The following HCLS1 variants were observed in gnomAD, a reference collection of about 807,000 sequenced individuals.
HCLS1 encodes hematopoietic lineage cell-specific protein.
Under a neutral mutation model 68.6 loss-of-function variants are expected in HCLS1, and 44 were observed. The observed-to-expected ratio is 0.64, with a 90% confidence interval of 0.50 to 0.82. The LOEUF (loss-of-function observed/expected upper bound fraction) is 0.82. Ranked by LOEUF, HCLS1 falls within the 40% of genes least tolerant of loss-of-function variation. The pLI is 0.00. For synonymous variants in HCLS1, 217 were observed against 225.8 expected (o/e 0.96, Z 0.35); for missense variants, 602 against 612.1 (o/e 0.98, Z 0.17).
intron 2 of HCLS1, 32 bp from the exon 3 acceptor site, chr3:121,657,384 G>T: frequency 6.2e-7 from 1 of 1,606,020 alleles, no homozygotes; most frequent in Non-Finnish European, 8.5e-7. Context: ...AATACATGAC[G>T]GCAAGAAATG....
intron 2 of HCLS1, chr3:121,657,954 C>T: frequency 3.1e-6 from 1 of 322,788 alleles, no homozygotes; most frequent in Non-Finnish European, 5.7e-6. Context: ...TACACATGCC[C>T]AGCTTGAATC....
chr3:121,640,837 G>GAGGGC lies in HCLS1; in HGVS notation c.454+2085_454+2089dup, dbSNP rs557668199. 2.4e-4 allele frequency among the ~76,000 whole-genome samples: 22 copies of GAGGGC among 90,218 alleles called. 1 individual carries two copies. Among genetic ancestry groups the GAGGGC allele is most frequent in the Admixed American group, 1.2e-4 (1 of 8,196 alleles). The allele number at this position is 90,218 out of a possible 152,430, so 59.2% of individuals were successfully genotyped here. On this transcript the variant is annotated intron_variant, in intron 6 of 13. Transcript: ENST00000314583. Reference sequence around the variant, plus strand: ...GAGGGCAGGGGAGGGGAGGGGACGGGAGGGCAGGGCAGGGCAGGGCAGGGC... The same window carrying GAGGGC: ...GAGGGCAGGGGAGGGGAGGGGACGGGAGGGCAGGGCAGGGCAGGGCAGGGCAGGGC...
intron 4 of HCLS1, among the ~76,000 whole-genome samples, chr3:121,646,671 C>T (rs1251257839): frequency 1.8e-5 from 2 of 111,452 alleles, no homozygotes; most frequent in Non-Finnish European, 3.4e-5. Flanking sequence ...TATATATACA[C>T]TTATATATAA....
intron 9 of HCLS1, 26 bp downstream of exon 9, chr3:121,635,709 A>G: frequency 1.3e-6 from 2 of 1,573,314 alleles, no homozygotes; most frequent in East Asian, 2.2e-5. Flanking sequence ...AGTGAGGTGC[A>G]TGGAGAGTGA....
chr3:121,643,264 A>G, intron 5 of HCLS1: 1 of 270,910 alleles, frequency 3.7e-6, no homozygotes, highest in Middle Eastern at 1.3e-3. Context: ...AGTCTCTTTC[A>G]ATATAAAATC....
intron 6 of HCLS1, among the ~76,000 whole-genome samples, chr3:121,638,804 A>G (rs1345145785): frequency 6.6e-6 from 1 of 152,180 alleles, no homozygotes; most frequent in African/African-American, 2.4e-5. Context: ...CTCCAATGAT[A>G]AAAGAACAAT....
chr3:121,634,182 G>T, intron 10 of HCLS1, 25 bp downstream of exon 10: 1 of 1,613,394 alleles, frequency 6.2e-7, no homozygotes, highest in Non-Finnish European at 8.5e-7. Flanking sequence ...TCCTGGATGT[G>T]GATCCCAGAG....
chr3:121,659,481 C>T (rs1003852142), intron 1 of HCLS1, among the ~76,000 whole-genome samples: 1 of 152,192 alleles, frequency 6.6e-6, no homozygotes. Flanking sequence ...TCGGGTTCTC[C>T]TGTCTCCACC....
chr3:121,648,082 C>T (rs1937650023), intron 3 of HCLS1, among the ~76,000 whole-genome samples: 1 of 152,082 alleles, frequency 6.6e-6, no homozygotes, highest in African/African-American at 2.4e-5. Flanking sequence ...AAACACAGAA[C>T]TGGGGAAATT....
chr3:121,637,668 GC>G (rs1350835187), intron 6 of HCLS1, among the ~76,000 whole-genome samples: 1 of 152,202 alleles, frequency 6.6e-6, no homozygotes, highest in African/African-American at 2.4e-5. Flanking sequence ...CGAGCACGGT[GC>G]TCATGCCTGT....
chr3:121,648,917 G>A (rs1031653483), intron 3 of HCLS1, among the ~76,000 whole-genome samples: 2 of 152,078 alleles, frequency 1.3e-5, no homozygotes, highest in African/African-American at 4.8e-5. Context: ...CCAAGGACAT[G>A]TAAATGCCTG....
chr3:121,647,442 G>T lies in HCLS1; in HGVS notation c.165C>A (p.His55Gln). The T allele has an allele frequency of 6.2e-7, 1 of 1,614,004 alleles. No homozygotes were observed. The highest frequency in any genetic ancestry group is 1.1e-5 in the South Asian group (1 of 91,076). Residue 55 changes from histidine (H) to glutamine (Q), a missense_variant, in exon 4 of 14, where the codon CAC becomes CAA. Coordinates refer to ENST00000314583, the MANE Select transcript of HCLS1 (RefSeq NM_005335.6). ...GSGRTEHINI[H>Q]QLRNKVSEEH... ...CCTCTGATACTTTGTTCCTCAGCTG[G>T]TGGATGCTGGAAGAAACCACATGAC... is the stretch of plus-strand genomic sequence containing the variant.
intron 9 of HCLS1, among the ~76,000 whole-genome samples, chr3:121,635,237 T>TCTC (rs2049138799): frequency 8.7e-6 from 1 of 114,340 alleles, no homozygotes; most frequent in African/African-American, 3.8e-5. Context: ...TCTCTCCCTT[T>TCTC]TCTCTCTCTC....
intron 6 of HCLS1, 77 bp from the exon 7 acceptor site, chr3:121,637,333 G>T: frequency 1.1e-6 from 1 of 918,316 alleles, no homozygotes; most frequent in Non-Finnish European, 1.8e-6. Context: ...AGAGAGGTCA[G>T]CAGGAATGGG....
chr3:121,638,329 C>T (rs1429534508), intron 6 of HCLS1, among the ~76,000 whole-genome samples: 1 of 152,128 alleles, frequency 6.6e-6, no homozygotes, highest in Non-Finnish European at 1.5e-5. Context: ...TCCCAAAATG[C>T]TGCAATTACA....
chr3:121,654,028 A>G (rs1986874), intron 3 of HCLS1: 105,926 of 152,130 alleles, frequency 0.7, 37,663 homozygotes, highest in East Asian at 0.85. Context: ...AGGCTGGAGT[A>G]CAGTGGCTAC....
At chr3:121,637,063 G>A in intron 7 of HCLS1, 83 bp downstream of exon 7, 2 of 961,912 alleles carry the variant, frequency 2.1e-6, no homozygotes, top group Non-Finnish European at 3.4e-6. Flanking sequence ...TCTGTATTCT[G>A]GGGCACCCGG....
chr3:121,632,299 G>A, intron 12 of HCLS1, 33 bp downstream of exon 12: 1 of 1,610,630 alleles, frequency 6.2e-7, no homozygotes, highest in Non-Finnish European at 8.5e-7. Flanking sequence ...CTGGACATGA[G>A]CAAATTCTCC....
chr3:121,645,053 C>G, intron 4 of HCLS1, 125 bp from the exon 5 acceptor site: 1 of 708,638 alleles, frequency 1.4e-6, no homozygotes, highest in South Asian at 1.7e-5. Context: ...TAGCCTCTGA[C>G]AGTGGTGCCA....
Sources: gnomAD v4.1 joint callset for allele counts (sites outside exome capture counted in the v4.1 genomes callset) on GRCh38, gnomAD v4.1.1 for gene constraint, MANE v1.5 for transcripts, NCBI Gene and HGNC (gene_info 2026-07-23, HGNC 2026-07-21) for gene names.